Variants in CHRM5 observed in about 807,000 individuals in gnomAD.
CHRM5 encodes cholinergic receptor muscarinic 5.
In CHRM5, 18 loss-of-function variants were observed where a neutral mutation model predicts 39.0. The observed-to-expected ratio is 0.46, with a 90% CI of 0.32 to 0.68. The LOEUF (loss-of-function observed/expected upper bound fraction) is 0.68. Among genes scored for constraint, CHRM5 ranks in the 30% least tolerant of loss-of-function variants. The pLI is 0.04. For synonymous variants in CHRM5, 241 were observed against 246.3 expected, an observed-to-expected ratio of 0.98 and a Z score of 0.20; for missense variants, 515 against 651.1, an observed-to-expected ratio of 0.79 and a Z score of 2.28.
chr15:34,024,713 T>C (rs1361687083), intron 1 of CHRM5, among the ~76,000 whole-genome samples: 1 of 146,954 alleles, frequency 6.8e-6, no homozygotes, highest in African/African-American at 2.5e-5. Flanking sequence ...ATACAAAAAT[T>C]AGCCACGCAT....
At position 34,013,921 on chromosome 15, in the gene CHRM5, C is replaced by T. The variant is rs555807348; in HGVS notation, c.-407-32619C>T. Reference sequence around the variant, plus strand: ...TACTGAAGGAACGGCTGCTATCTTCCGCCTGCTGACTCTTCCCAACCTCAA... The same window carrying T: ...TACTGAAGGAACGGCTGCTATCTTCTGCCTGCTGACTCTTCCCAACCTCAA... On this transcript the variant is annotated intron_variant, in intron 1 of 2. Transcript: ENST00000383263. Among the ~76,000 whole-genome samples, 584 of 152,270 alleles carry T rather than the reference C, an allele frequency of 3.8e-3. 5 individuals are homozygous for T. The highest frequency in any genetic ancestry group is 0.012 in the African/African-American group (500 of 41,540).
chr15:34,038,869 G>A, intron 1 of CHRM5: 1 of 1,149,656 alleles, frequency 8.7e-7, no homozygotes, highest in South Asian at 4.1e-5. Flanking sequence ...CGAGCGCCGC[G>A]GAAGCCCCGG....
At chr15:34,062,360 C>T (rs907165415) in intron 2 of CHRM5, among the ~76,000 whole-genome samples, 4 of 152,018 alleles carry the variant, frequency 2.6e-5, no homozygotes, top group African/African-American at 9.7e-5. Context: ...TCGAGACCAT[C>T]CCGCCTAACA....
intron 1 of CHRM5, among the ~76,000 whole-genome samples, chr15:34,042,622 CA>C (rs996502457): frequency 1.3e-5 from 2 of 151,854 alleles, no homozygotes; most frequent in African/African-American, 4.8e-5. Flanking sequence ...AGGCTGGTCT[CA>C]AACTCCCGAC....
intron 2 of CHRM5, among the ~76,000 whole-genome samples, chr15:34,052,587 T>G (rs1899967467): frequency 6.6e-6 from 1 of 152,232 alleles, no homozygotes; most frequent in Non-Finnish European, 1.5e-5. Flanking sequence ...TAATTCTATG[T>G]CCAGAAAGCT....
intron 1 of CHRM5, among the ~76,000 whole-genome samples, chr15:34,013,643 T>G (rs1897733602): frequency 6.6e-6 from 1 of 152,150 alleles, no homozygotes; most frequent in Non-Finnish European, 1.5e-5. Flanking sequence ...CACAGTGCTG[T>G]GGGAAACACG....
chr15:34,027,320 G>T (rs1898526894), intron 1 of CHRM5, among the ~76,000 whole-genome samples: 1 of 151,904 alleles, frequency 6.6e-6, no homozygotes, highest in Non-Finnish European at 1.5e-5. Flanking sequence ...TTCAAAACCA[G>T]CCTGGCCAAC....
rs766498888 is a variant in CHRM5, at chr15:33,988,913, C to T, written c.-408+19763C>T. On this transcript the variant is annotated intron_variant, in intron 1 of 2. Coordinates refer to ENST00000383263, the MANE Select transcript of CHRM5 (RefSeq NM_012125.4). ...GGATGCCCAGTTAACACTCATAACACAAATGGCTAATCTAAATCCCCTGTA... is the reference window on the plus strand; with the variant it reads ...GGATGCCCAGTTAACACTCATAACATAAATGGCTAATCTAAATCCCCTGTA... Among the ~76,000 whole-genome samples the T allele has an allele frequency of 5.5e-4, 84 of 152,178 alleles. 2 individuals carry two copies. Among genetic ancestry groups the T allele is most frequent in the Non-Finnish European group, 1.5e-4 (10 of 68,028 alleles).
chr15:34,027,501 C>T (rs138700903), intron 1 of CHRM5, among the ~76,000 whole-genome samples: 84 of 147,382 alleles, frequency 5.7e-4, no homozygotes, highest in Non-Finnish European at 1.1e-3. Flanking sequence ...TGCACTCCAG[C>T]CTGGATGACA....
chr15:33,970,281 G>A (rs969342307), intron 1 of CHRM5, among the ~76,000 whole-genome samples: 1 of 151,728 alleles, frequency 6.6e-6, no homozygotes, highest in Admixed American at 6.6e-5. Context: ...GATCCCTTCA[G>A]GCTTTTCAAG....
intron 1 of CHRM5, among the ~76,000 whole-genome samples, chr15:33,978,411 C>G (rs1018115636): frequency 6.6e-6 from 1 of 152,318 alleles, no homozygotes; most frequent in African/African-American, 2.4e-5. Context: ...CGCCTGTAAT[C>G]CCAGCACTTT....
At chr15:34,002,631 G>A (rs1897179452) in intron 1 of CHRM5, among the ~76,000 whole-genome samples, 1 of 151,830 alleles carries the variant, frequency 6.6e-6, no homozygotes, top group African/African-American at 2.4e-5. Flanking sequence ...TATATACCTG[G>A]CTACTTAAAA....
At chr15:34,014,224 C>T (rs1301364581) in intron 1 of CHRM5, among the ~76,000 whole-genome samples, 3 of 151,796 alleles carry the variant, frequency 2.0e-5, no homozygotes, top group Non-Finnish European at 2.9e-5. Context: ...ATTAGCCAGG[C>T]GTGGTGGCAC....
chr15:34,054,865 C>A (rs1162408302), intron 2 of CHRM5, among the ~76,000 whole-genome samples: 1 of 152,132 alleles, frequency 6.6e-6, no homozygotes, highest in Non-Finnish European at 1.5e-5. Flanking sequence ...AAAAAAGGAA[C>A]AAATGGTTGC....
intron 1 of CHRM5, among the ~76,000 whole-genome samples, chr15:34,044,447 G>A (rs1006494967): frequency 6.6e-6 from 1 of 152,188 alleles, no homozygotes; most frequent in African/African-American, 2.4e-5. Flanking sequence ...GGAATTTAAA[G>A]ATATATATAA....
intron 1 of CHRM5, among the ~76,000 whole-genome samples, chr15:33,979,807 G>C (rs1388811689): frequency 6.6e-6 from 1 of 152,178 alleles, no homozygotes; most frequent in Non-Finnish European, 1.5e-5. Flanking sequence ...AGGAGCTCCA[G>C]TGGTCAAGAA....
intron 1 of CHRM5, chr15:34,006,947 G>C (rs1897379878): frequency 4.1e-6 from 2 of 491,608 alleles, no homozygotes; most frequent in Non-Finnish European, 5.3e-6. Context: ...ATAAAATACT[G>C]ATCAGAAAAC....
At chr15:34,040,699 G>A (rs900110228) in intron 1 of CHRM5, among the ~76,000 whole-genome samples, 5 of 151,916 alleles carry the variant, frequency 3.3e-5, no homozygotes, top group Non-Finnish European at 5.9e-5. Flanking sequence ...AGGCTGTGGC[G>A]GGTGGATTGC....
At chr15:34,038,129 G>T (rs1899238781) in intron 1 of CHRM5, among the ~76,000 whole-genome samples, 1 of 152,044 alleles carries the variant, frequency 6.6e-6, no homozygotes, top group Non-Finnish European at 1.5e-5. Context: ...TTTATAAATT[G>T]AAAATTCAAA....
Sources: allele counts gnomAD v4.1 joint callset (sites outside exome capture counted in the v4.1 genomes callset), GRCh38; gene constraint gnomAD v4.1.1; transcripts MANE v1.5; gene names NCBI Gene and HGNC (gene_info 2026-07-23, HGNC 2026-07-21).